Variants in BACE2 observed in about 807,000 individuals in gnomAD.
BACE2 encodes 56 kDa aspartic-like protease.
In BACE2, 17 loss-of-function variants were observed where a neutral mutation model predicts 46.2. That is an observed-to-expected ratio of 0.37 (90% CI 0.25 to 0.55). The LOEUF (loss-of-function observed/expected upper bound fraction) is 0.55. Among genes scored for constraint, BACE2 ranks in the 20% least tolerant of loss-of-function variants. The pLI is 0.82. For synonymous variants in BACE2, 277 were observed against 295.9 expected (o/e 0.94, Z 0.66); for missense variants, 595 against 698.1 (o/e 0.85, Z 1.66).
rs1451917122 is a variant in BACE2 at position 41,193,769 on chromosome 21, A to G, written c.312+25194A>G. Among the ~76,000 whole-genome samples, 1 of 152,160 alleles carries G rather than the reference A, an allele frequency of 6.6e-6. No homozygotes were observed. The highest frequency in any genetic ancestry group is 1.5e-5 in the Non-Finnish European group (1 of 68,026). ...CTGGACCCACTGTAAGTTGGACCTG[A>G]GCTAAAACTCCTTTAAGTACCTGAC... On this transcript the variant is annotated intron_variant, in intron 1 of 8. Coordinates refer to ENST00000330333, the MANE Select transcript of BACE2 (RefSeq NM_012105.5). This position sits in a 1 kb window ranked among gnomAD's most constrained non-coding sequence, Gnocchi z 4.2.
chr21:41,203,831 A>C (rs1042794151), intron 1 of BACE2, among the ~76,000 whole-genome samples: 1 of 152,184 alleles, frequency 6.6e-6, no homozygotes, highest in Non-Finnish European at 1.5e-5. Flanking sequence ...GGGATGGGTC[A>C]GGGAGGAAAG....
chr21:41,273,086 G>A (rs2088449899), intron 8 of BACE2, among the ~76,000 whole-genome samples: 1 of 152,172 alleles, frequency 6.6e-6, no homozygotes, highest in South Asian at 2.1e-4. Context: ...TTTTATTAGT[G>A]ATTTTCAAAG....
At chr21:41,175,400 C>T (rs1984785297) in intron 1 of BACE2, 1 of 152,252 alleles carries the variant, frequency 6.6e-6, no homozygotes, top group African/African-American at 2.4e-5. Flanking sequence ...TGGGAATGCA[C>T]ACTCCATCTG....
chr21:41,217,416 C>G (rs1490471047), intron 1 of BACE2, among the ~76,000 whole-genome samples: 1 of 152,184 alleles, frequency 6.6e-6, no homozygotes, highest in African/African-American at 2.4e-5. Flanking sequence ...TTTTCTGTCT[C>G]TCCTTTACCT....
intron 1 of BACE2, among the ~76,000 whole-genome samples, chr21:41,173,886 G>C (rs1418701290): frequency 6.6e-6 from 1 of 152,132 alleles, no homozygotes; most frequent in Non-Finnish European, 1.5e-5. Context: ...AAACACTTAT[G>C]TTGGGATGGA....
chr21:41,173,328 T>C (rs779040684), intron 1 of BACE2, among the ~76,000 whole-genome samples: 1 of 152,244 alleles, frequency 6.6e-6, no homozygotes, highest in Non-Finnish European at 1.5e-5. Flanking sequence ...TGTATTGATA[T>C]GAAGCCTGCG....
chr21:41,196,441 ATTAGAAATAACCCACG>A (rs1568863790), intron 1 of BACE2, among the ~76,000 whole-genome samples: 2 of 152,240 alleles, frequency 1.3e-5, no homozygotes, highest in Non-Finnish European at 2.9e-5. Context: ...ATAGCAAATG[ATTAGAAATAACCCACG>A]TGTGCCTCAA....
intron 1 of BACE2, among the ~76,000 whole-genome samples, chr21:41,208,858 TC>T (rs1327455274): frequency 3.3e-5 from 5 of 151,904 alleles, no homozygotes; most frequent in Non-Finnish European, 7.4e-5. Flanking sequence ...AGGTGGGAGT[TC>T]CGTGGAGGCA....
chr21:41,168,603 C>T, intron 1 of BACE2, 28 bp downstream of exon 1: 1 of 1,296,870 alleles, frequency 7.7e-7, no homozygotes, highest in Non-Finnish European at 9.9e-7. Context: ...CTGCCGCGGG[C>T]TTTTCGGGCT....
At chr21:41,260,179 T>C (rs1175810324) in intron 8 of BACE2, among the ~76,000 whole-genome samples, 1 of 150,092 alleles carries the variant, frequency 6.7e-6, no homozygotes, top group African/African-American at 2.5e-5. Flanking sequence ...AGGGTCTCAC[T>C]CTCTTACCAG....
At chr21:41,207,201 G>A (rs1234640346) in intron 1 of BACE2, among the ~76,000 whole-genome samples, 1 of 152,196 alleles carries the variant, frequency 6.6e-6, no homozygotes, top group Non-Finnish European at 1.5e-5. Context: ...TTTGGGAAAT[G>A]CATAATGGGT....
intron 4 of BACE2, among the ~76,000 whole-genome samples, chr21:41,242,772 A>G (rs548590572): frequency 3.3e-5 from 5 of 152,288 alleles, no homozygotes; most frequent in African/African-American, 9.6e-5. Context: ...AAATCTCAAT[A>G]TTGTAAAGCT....
Position 41,168,199 on chromosome 21 carries a change from G to A in BACE2, c.-65G>A. Reference sequence around the variant, plus strand: ...CCCCGCGCGCCGGCCGAGTCGCTGAGCCGCGGCTGCCGGACGGGACGGGAC... The same window carrying A: ...CCCCGCGCGCCGGCCGAGTCGCTGAACCGCGGCTGCCGGACGGGACGGGAC... On this transcript the variant is annotated 5_prime_UTR_variant, in exon 1 of 9. Transcript: ENST00000330333. The A allele has an allele frequency of 1.0e-6, 1 of 982,022 alleles. No homozygotes were observed. Among genetic ancestry groups the A allele is most frequent in the East Asian group, 6.9e-5 (1 of 14,444 alleles). 60.8% of individuals were successfully genotyped at this position (982,022 alleles called of 1,614,324 possible).
intron 8 of BACE2, among the ~76,000 whole-genome samples, chr21:41,260,721 C>T (rs1301818008): frequency 6.6e-6 from 1 of 152,164 alleles, no homozygotes; most frequent in African/African-American, 2.4e-5. Context: ...ATCTTGGAAG[C>T]AGCATGTTCT....
At chr21:41,261,704 T>C (rs1601318313) in intron 8 of BACE2, among the ~76,000 whole-genome samples, 1 of 152,122 alleles carries the variant, frequency 6.6e-6, no homozygotes, top group African/African-American at 2.4e-5. Context: ...TCTTATTTTC[T>C]TCCAAAATGT....
intron 1 of BACE2, among the ~76,000 whole-genome samples, chr21:41,169,484 C>T (rs1196181246): frequency 6.6e-6 from 1 of 151,518 alleles, no homozygotes; most frequent in Non-Finnish European, 1.5e-5. Flanking sequence ...TTGATCTGCC[C>T]CCTCCTACTT....
Position 41,249,578 on chromosome 21 carries a change from G to A in BACE2, c.985-1174G>A, listed in dbSNP as rs183188139. Among the ~76,000 whole-genome samples the A allele has an allele frequency of 5.9e-5, 9 of 152,176 alleles. No homozygotes were observed. In the East Asian group the frequency reaches 7.7e-4, roughly 13 times the overall value. ...TCTTCAGCACCTGCCATGTCCAGCC[G>A]GCAGATTCCACCGCAGCATCTTCTG... On this transcript the variant is annotated intron_variant, in intron 6 of 8. Coordinates refer to ENST00000330333, the MANE Select transcript of BACE2 (RefSeq NM_012105.5).
chr21:41,272,041 T>C (rs4818229), intron 8 of BACE2, among the ~76,000 whole-genome samples: 126,172 of 151,602 alleles, frequency 0.83, 52,733 homozygotes, highest in East Asian at 0.99. Flanking sequence ...TGACTGAAAA[T>C]ATTTTTATTT....
chr21:41,275,359 C>T lies in BACE2; in HGVS notation c.1304-12C>T. The T allele has an allele frequency of 1.2e-6, 2 of 1,614,030 alleles. No individual in the cohort carries two copies. The highest frequency in any genetic ancestry group is 2.2e-5 in the South Asian group (2 of 91,074). ...TTTCACAGCTGTGGATTTTCCCTTT[C>T]TGTCTCCCCAGAAATTGCAGGTGCT... is the stretch of plus-strand genomic sequence containing the variant. On this transcript the variant is annotated splice_polypyrimidine_tract_variant and intron_variant, in intron 8 of 8. Transcript: ENST00000330333.
Sources: allele counts gnomAD v4.1 joint callset (sites outside exome capture counted in the v4.1 genomes callset), GRCh38; gene constraint gnomAD v4.1.1; non-coding constraint Gnocchi (gnomAD v3.1); transcripts MANE v1.5; gene names NCBI Gene and HGNC (gene_info 2026-07-23, HGNC 2026-07-21).